SDK2: variants seen among roughly 807,000 people sequenced by gnomAD.
SDK2 encodes sidekick cell adhesion molecule 2, also known as protein sidekick-2.
SDK2 carries 105 observed loss-of-function variants against 253.9 expected under a neutral mutation model. The ratio of observed to expected loss-of-function variants is 0.41; its 90% CI spans 0.35 to 0.49. SDK2 has a LOEUF of 0.49. Ranked by LOEUF, SDK2 falls within the 20% of genes least tolerant of loss-of-function variation. SDK2 has a pLI of 0.06. For missense variants in SDK2, 2,608 were observed against 3,003.0 expected (o/e 0.87, Z 3.07); for synonymous variants, 1,249 against 1,234.9 (o/e 1.01, Z -0.24).
At chr17:73,466,717 C>CCCA (rs2063600873) in intron 3 of SDK2, among the ~76,000 whole-genome samples, 1 of 118,970 alleles carries the variant, frequency 8.4e-6, no homozygotes, top group Non-Finnish European at 1.7e-5. Flanking sequence ...TGGGGAACGC[C>CCCA]CCCCCCCCCC....
At chr17:73,398,263 C>G in intron 23 of SDK2, 57 bp downstream of exon 23, 3 of 1,602,260 alleles carry the variant, frequency 1.9e-6, no homozygotes, top group Non-Finnish European at 1.7e-6. Flanking sequence ...TGGGCCATAG[C>G]CCCCACCCAC....
Position 73,570,603 on chromosome 17 carries a change from A to C in SDK2, c.65-63006T>G, listed in dbSNP as rs1418025357. The stretch of plus-strand genomic sequence containing the variant: ...GCGCTGACTACCCGTGAGGCACTGA[A>C]CACCACCATCAGCTCACCGCCATCT... On this transcript the variant is annotated intron_variant, in intron 1 of 44. Transcript: ENST00000392650. This position sits in a 1 kb window ranked among gnomAD's most constrained non-coding sequence, Gnocchi z 4.2. 6.6e-6 allele frequency among the ~76,000 whole-genome samples: 1 copy of C among 152,164 alleles called. No individual in the cohort carries two copies. Among genetic ancestry groups the C allele is most frequent in the African/African-American group, 2.4e-5 (1 of 41,434 alleles).
At chr17:73,494,253 G>A (rs1203896511) in intron 2 of SDK2, among the ~76,000 whole-genome samples, 5 of 152,208 alleles carry the variant, frequency 3.3e-5, no homozygotes, top group Non-Finnish European at 7.3e-5. Context: ...GTGAACTCAT[G>A]CCATGTCCCC....
rs2062376292 is a variant in SDK2 at position 73,336,185 on chromosome 17, A to T, written c.*2402T>A. On this transcript the variant is annotated 3_prime_UTR_variant, in exon 45 of 45. Coordinates refer to ENST00000392650, the MANE Select transcript of SDK2 (RefSeq NM_001144952.2). ...AAAGGGATGAAGTTATTTAAAAAAA[A>T]AAAAAAAAAAAAGATGAGAGGAAAG... 6.6e-6 allele frequency: 1 copy of T among 151,836 alleles called. No individual in the cohort carries two copies. The highest frequency in any genetic ancestry group is 2.1e-4 in the South Asian group (1 of 4,822). The allele number at this position is 151,836 out of a possible 1,614,324, so 9.4% of individuals were successfully genotyped here. A position where few individuals can be genotyped will look rare whatever the true frequency, so the allele number is the denominator to read the frequency against.
intron 1 of SDK2, among the ~76,000 whole-genome samples, chr17:73,563,977 C>T (rs752241800): frequency 1.2e-4 from 18 of 152,030 alleles, no homozygotes; most frequent in Non-Finnish European, 2.6e-4. Context: ...CCCAGGCTGG[C>T]CTCAAACTCC....
At chr17:73,462,667 T>C (rs570914758) in intron 3 of SDK2, among the ~76,000 whole-genome samples, 1 of 152,116 alleles carries the variant, frequency 6.6e-6, no homozygotes, top group Non-Finnish European at 1.5e-5. Context: ...CATGTATATG[T>C]GGTGGAAGGA....
chr17:73,562,910 G>T (rs114109898), intron 1 of SDK2, among the ~76,000 whole-genome samples: 1 of 152,172 alleles, frequency 6.6e-6, no homozygotes, highest in African/African-American at 2.4e-5. Context: ...ATTGAGGCAC[G>T]CAGAAGCACC....
chr17:73,593,074 T>C (rs2045706440), intron 1 of SDK2, among the ~76,000 whole-genome samples: 1 of 151,956 alleles, frequency 6.6e-6, no homozygotes, highest in Non-Finnish European at 1.5e-5. Context: ...GGGGGATTGT[T>C]TCTAAGCTTA....
chr17:73,369,077 C>A, intron 36 of SDK2: 1 of 429,622 alleles, frequency 2.3e-6, no homozygotes. Context: ...TTTTCACAGC[C>A]AAGACCCTGG....
At chr17:73,579,766 C>T (rs995083772) in intron 1 of SDK2, among the ~76,000 whole-genome samples, 10 of 152,042 alleles carry the variant, frequency 6.6e-5, no homozygotes, top group African/African-American at 1.7e-4. Context: ...CACCTGAGGT[C>T]GGGAGTTCAA....
chr17:73,610,846 T>C (rs1043998630), intron 1 of SDK2, among the ~76,000 whole-genome samples: 3 of 151,226 alleles, frequency 2.0e-5, no homozygotes, highest in Non-Finnish European at 2.9e-5. Flanking sequence ...TGTGCGTGTG[T>C]GTGTGTGTGT....
At chr17:73,385,482 A>G (rs940589086) in intron 32 of SDK2, among the ~76,000 whole-genome samples, 1 of 152,088 alleles carries the variant, frequency 6.6e-6, no homozygotes, top group African/African-American at 2.4e-5. Flanking sequence ...TTTTCAGCCC[A>G]AGGACTCAGC....
Position 73,402,190 on chromosome 17 carries a change from G to C in SDK2, c.2485-49C>G, listed in dbSNP as rs1400557836. 2.5e-6 allele frequency: 4 copies of C among 1,576,516 alleles called. No homozygotes were observed. In the South Asian group the frequency reaches 4.7e-5, roughly 18 times the overall value. Reference sequence around the variant, plus strand: ...ACAGGGCAGCAGGAAGGTTCCAGAGGAGGCCAAGCCCTCTCCCACAGGCTG... The same window carrying C: ...ACAGGGCAGCAGGAAGGTTCCAGAGCAGGCCAAGCCCTCTCCCACAGGCTG... On this transcript the variant is annotated intron_variant, in intron 18 of 44. Coordinates refer to ENST00000392650, the MANE Select transcript of SDK2 (RefSeq NM_001144952.2).
intron 1 of SDK2, among the ~76,000 whole-genome samples, chr17:73,634,185 T>C (rs2046303434): frequency 6.6e-6 from 1 of 152,186 alleles, no homozygotes; most frequent in Non-Finnish European, 1.5e-5. Context: ...GTCCTCCTCC[T>C]GTGCCCACCC....
intron 29 of SDK2, among the ~76,000 whole-genome samples, chr17:73,388,916 TTTTCCCC>T (rs2062902199): frequency 1.9e-5 from 1 of 51,856 alleles, no homozygotes; most frequent in Non-Finnish European, 3.4e-5. Flanking sequence ...CTCCCTCCCT[TTTTCCCC>T]CCTTCCCTCC....
intron 37 of SDK2, 38 bp downstream of exon 37, chr17:73,368,369 C>T (rs773694599): frequency 1.4e-5 from 20 of 1,411,876 alleles, no homozygotes; most frequent in Middle Eastern, 2.7e-4. Context: ...CCCCCGTGGC[C>T]GACCTACCCC....
At chr17:73,348,482 C>T in intron 44 of SDK2, 117 bp downstream of exon 44, 1 of 1,267,404 alleles carries the variant, frequency 7.9e-7, no homozygotes, top group Non-Finnish European at 1.1e-6. Context: ...TTTCTTGGGC[C>T]CCTTAATATT....
chr17:73,633,279 C>A (rs1402529838), intron 1 of SDK2, among the ~76,000 whole-genome samples: 1 of 151,970 alleles, frequency 6.6e-6, no homozygotes, highest in Non-Finnish European at 1.5e-5. Flanking sequence ...AGACCGACAT[C>A]TCAAAAAATA....
chr17:73,361,857 A>G lies in SDK2; in HGVS notation c.5306-12T>C. The G allele has an allele frequency of 6.4e-7, 1 of 1,569,418 alleles. No homozygotes were observed. Reference sequence around the variant, plus strand: ...GATCTTGCTGACTCCTGGGGGAGGCACAGCAAGTGGGGACTGGGCACAGGG... The same window carrying G: ...GATCTTGCTGACTCCTGGGGGAGGCGCAGCAAGTGGGGACTGGGCACAGGG... On this transcript the variant is annotated splice_polypyrimidine_tract_variant and intron_variant, in intron 38 of 44. Coordinates refer to ENST00000392650, the MANE Select transcript of SDK2 (RefSeq NM_001144952.2). The surrounding 1 kb of genome is among the most constrained non-coding windows in gnomAD (Gnocchi z 4.1).
Sources: gnomAD v4.1 joint callset for allele counts (sites outside exome capture counted in the v4.1 genomes callset) on GRCh38, gnomAD v4.1.1 for gene constraint, Gnocchi (gnomAD v3.1) non-coding constraint, MANE v1.5 for transcripts, NCBI Gene and HGNC (gene_info 2026-07-23, HGNC 2026-07-21) for gene names.